PCDHGA5: variants seen among roughly 807,000 people sequenced by gnomAD.
The protein encoded by PCDHGA5 is protocadherin gamma-A5.
A neutral mutation model predicts 56.7 loss-of-function variants in PCDHGA5; 36 were observed. The ratio of observed to expected loss-of-function variants is 0.64; its 90% confidence interval spans 0.49 to 0.84. PCDHGA5 has a LOEUF of 0.84. Among genes scored for constraint, PCDHGA5 ranks in the 40% least tolerant of loss-of-function variants. The probability of loss-of-function intolerance (pLI) is 0.00; values close to 1 mark genes in which losing one functional copy is unlikely to be tolerated. For synonymous variants in PCDHGA5, 563 were observed against 520.2 expected (o/e 1.08, Z -1.12); for missense variants, 1,305 against 1,201.5 (o/e 1.09, Z -1.27).
rs562057533 is a variant in PCDHGA5, at chr5:141,365,545, A to T, written c.1215A>T (p.Leu405Phe). 16 of 1,613,796 alleles carry T rather than the reference A, an allele frequency of 9.9e-6. No homozygotes were observed. In the South Asian group the frequency reaches 1.4e-4, roughly 14 times the overall value. ...CAGTTGATAATTACTATCACCTATT[A>T]ACAACTAGGGACCTGGACAGAGAAG... ...EKSVDNYYHL[L>F]TTRDLDREET... The change falls in exon 1 of 4, where the codon TTA (leucine) becomes TTT (phenylalanine). Residue 405 changes from leucine (L) to phenylalanine (F), a missense_variant. Coordinates refer to ENST00000518069, the MANE Select transcript of PCDHGA5 (RefSeq NM_018918.3).
intron 1 of PCDHGA5, among the ~76,000 whole-genome samples, chr5:141,463,573 C>T (rs1331124291): frequency 6.6e-6 from 1 of 151,436 alleles, no homozygotes; most frequent in East Asian, 1.9e-4. Flanking sequence ...CTCAGCCTCC[C>T]GAGTAGCTGG....
rs1349189547 is a variant in PCDHGA5 at position 141,432,777 on chromosome 5, C to A, written c.2422-62030C>A. 1.2e-6 allele frequency: 2 copies of A among 1,614,154 alleles called. No individual in the cohort carries two copies. The highest frequency in any genetic ancestry group is 1.3e-5 in the African/African-American group (1 of 75,062). ...GCCGACAGCATCCCCCAAGTCCTGGCGGACCTCGGCAGCCTCGAGTCTCCA... is the reference window on the plus strand; with the variant it reads ...GCCGACAGCATCCCCCAAGTCCTGGAGGACCTCGGCAGCCTCGAGTCTCCA... On this transcript the variant is annotated intron_variant, in intron 1 of 3. Transcript: ENST00000518069. This position sits in a 1 kb window ranked among gnomAD's most constrained non-coding sequence, Gnocchi z 6.0.
Position 141,489,317 on chromosome 5 carries a change from G to T in PCDHGA5, c.2422-5490G>T. ...ATGTTGTCCTTGTGCTGCTGGGGCT[G>T]GGTGTCTGGGCAGCTTCGTTACTCA... is the stretch of plus-strand genomic sequence containing the variant. On this transcript the variant is annotated intron_variant, in intron 1 of 3. Coordinates refer to ENST00000518069, the MANE Select transcript of PCDHGA5 (RefSeq NM_018918.3). The surrounding 1 kb of genome is among the most constrained non-coding windows in gnomAD (Gnocchi z 4.5). 6.3e-7 allele frequency: 1 copy of T among 1,598,654 alleles called. No homozygotes were observed. The highest frequency in any genetic ancestry group is 8.5e-7 in the Non-Finnish European group (1 of 1,171,456).
intron 1 of PCDHGA5, chr5:141,427,278 A>G (rs981860450): frequency 2.2e-6 from 1 of 456,706 alleles, no homozygotes; most frequent in Non-Finnish European, 4.4e-6. Context: ...ATGTAAAATT[A>G]TACTAGAAAT....
chr5:141,400,690 A>G (rs928893484), intron 1 of PCDHGA5: 6 of 790,238 alleles, frequency 7.6e-6, no homozygotes, highest in Non-Finnish European at 8.1e-6. Flanking sequence ...GTGAGTTTTT[A>G]TGTCGCATAA....
Position 141,476,591 on chromosome 5 carries a change from G to T in PCDHGA5, c.2422-18216G>T, listed in dbSNP as rs200254399. The T allele has an allele frequency of 6.2e-7, 1 of 1,614,230 alleles. No homozygotes were observed. The highest frequency in any genetic ancestry group is 8.5e-7 in the Non-Finnish European group (1 of 1,180,046). On this transcript the variant is annotated intron_variant, in intron 1 of 3. Transcript: ENST00000518069. The surrounding 1 kb of genome is among the most constrained non-coding windows in gnomAD (Gnocchi z 7.6). The stretch of plus-strand genomic sequence containing the variant: ...GGGGACGCGCTTTCCGCTCGAGAGC[G>T]CGCACGATCCCGATGTGGGAAGCAA...
chr5:141,487,392 G>A lies in PCDHGA5; in HGVS notation c.2422-7415G>A, dbSNP rs773126086. 2 of 1,614,176 alleles carry A rather than the reference G, an allele frequency of 1.2e-6. No individual in the cohort carries two copies. Among genetic ancestry groups the A allele is most frequent in the Non-Finnish European group, 1.7e-6 (2 of 1,180,024 alleles). On this transcript the variant is annotated intron_variant, in intron 1 of 3. Transcript: ENST00000518069. This position sits in a 1 kb window ranked among gnomAD's most constrained non-coding sequence, Gnocchi z 5.0. ...GCCTGTCTCACCAGATCTCGAAGGA[G>A]GGAGGGGCTTCCCCCTTCCAATGGG...
At chr5:141,393,917 C>A in intron 1 of PCDHGA5, 1 of 1,613,924 alleles carries the variant, frequency 6.2e-7, no homozygotes, top group Non-Finnish European at 8.5e-7. Flanking sequence ...TAATTGCCTT[C>A]TTGAGTGTGC....
In PCDHGA5 at chr5:141,385,111, T is replaced by G. The variant is rs373196114; in HGVS notation, c.2421+18360T>G. 2.8e-5 allele frequency: 46 copies of G among 1,614,188 alleles called. No individual in the cohort carries two copies. The African/African-American group carries it at 5.6e-4, about 20-fold the overall frequency. On this transcript the variant is annotated intron_variant, in intron 1 of 3. Transcript: ENST00000518069. ...AGGTGGCTTGGCGAACGTGCCCACCTCGCACTTTGTGGGCATGGACGGGGT... is the reference window on the plus strand; with the variant it reads ...AGGTGGCTTGGCGAACGTGCCCACCGCGCACTTTGTGGGCATGGACGGGGT...
At chr5:141,458,319 T>C (rs2879229) in intron 1 of PCDHGA5, among the ~76,000 whole-genome samples, 84,591 of 151,864 alleles carry the variant, frequency 0.56, 26,265 homozygotes, top group African/African-American at 0.85. Flanking sequence ...CACAGACACA[T>C]GTGGAGTGGT....
rs115565444 is a variant in PCDHGA5 at position 141,487,520 on chromosome 5, G to C, written c.2422-7287G>C. 1 of 1,614,166 alleles carries C rather than the reference G, an allele frequency of 6.2e-7. No individual in the cohort carries two copies. Among genetic ancestry groups the C allele is most frequent in the Non-Finnish European group, 8.5e-7 (1 of 1,180,042 alleles). ...CTTGGCTTCTGCACCCACTCGGAGT[G>C]ATAGCTTCATGATGGTGAAGTCACC... On this transcript the variant is annotated intron_variant, in intron 1 of 3. Coordinates refer to ENST00000518069, the MANE Select transcript of PCDHGA5 (RefSeq NM_018918.3). The surrounding 1 kb of genome is among the most constrained non-coding windows in gnomAD (Gnocchi z 5.0).
At chr5:141,403,188 C>G (rs763950254) in intron 1 of PCDHGA5, 6 of 1,613,968 alleles carry the variant, frequency 3.7e-6, no homozygotes, top group Non-Finnish European at 4.2e-6. Context: ...TCTCTGAACC[C>G]GCGCAGCGGC....
intron 1 of PCDHGA5, chr5:141,390,545 A>G (rs62378444): frequency 2.0e-6 from 1 of 505,936 alleles, no homozygotes; most frequent in African/African-American, 1.9e-5. Context: ...CCACAAAGTG[A>G]AAGTGTTAGA....
At chr5:141,370,057 C>G (rs180898728) in intron 1 of PCDHGA5, among the ~76,000 whole-genome samples, 1 of 152,268 alleles carries the variant, frequency 6.6e-6, no homozygotes, top group East Asian at 1.9e-4. Flanking sequence ...TTTAAAAGTC[C>G]TTTTAAAATG....
Position 141,432,390 on chromosome 5 carries a change from G to A in PCDHGA5, c.2422-62417G>A. The A allele has an allele frequency of 6.2e-7, 1 of 1,614,256 alleles. No homozygotes were observed. The highest frequency in any genetic ancestry group is 8.5e-7 in the Non-Finnish European group (1 of 1,180,046). On this transcript the variant is annotated intron_variant, in intron 1 of 3. Transcript: ENST00000518069. This position sits in a 1 kb window ranked among gnomAD's most constrained non-coding sequence, Gnocchi z 6.0. ...GACAACGGGCACCCGCCCCTCAGCA[G>A]CAACGTGTCGTTGAGCCTGTTCGTG... is the stretch of plus-strand genomic sequence containing the variant.
Position 141,491,349 on chromosome 5 carries a change from C to G in PCDHGA5, c.2422-3458C>G. 6.2e-7 allele frequency: 1 copy of G among 1,614,168 alleles called. No individual in the cohort carries two copies. Among genetic ancestry groups the G allele is most frequent in the Non-Finnish European group, 8.5e-7 (1 of 1,180,016 alleles). ...TTGTGGCTCTAGCGACCGTCAGTCT[C>G]TTATCCCTAGTCACCTTCACCTTTC... is the stretch of plus-strand genomic sequence containing the variant. On this transcript the variant is annotated intron_variant, in intron 1 of 3. Transcript: ENST00000518069. The surrounding 1 kb of genome is among the most constrained non-coding windows in gnomAD (Gnocchi z 6.9).
intron 1 of PCDHGA5, chr5:141,376,308 G>T (rs766557828): frequency 6.2e-7 from 1 of 1,614,208 alleles, no homozygotes; most frequent in South Asian, 1.1e-5. Context: ...CACTTTGTGG[G>T]CGTGGAAGGG....
In PCDHGA5 at chr5:141,409,417, G is replaced by A. The variant is rs774453166; in HGVS notation, c.2421+42666G>A. ...CTTCCAATAACTACTACAAACTGGT[G>A]ACAGATGGAGCCCTGGACCGAGAGC... On this transcript the variant is annotated intron_variant, in intron 1 of 3. Transcript: ENST00000518069. The A allele has an allele frequency of 5.6e-6, 9 of 1,613,880 alleles. No individual in the cohort carries two copies. The South Asian group carries it at 8.8e-5, about 16-fold the overall frequency.
intron 1 of PCDHGA5, chr5:141,392,507 T>TC (rs2092547058): frequency 4.3e-6 from 1 of 231,946 alleles, no homozygotes; most frequent in East Asian, 8.6e-5. Context: ...GATTTTTTTT[T>TC]CTCAGTAATC....
Sources: gnomAD v4.1 joint callset for allele counts (sites outside exome capture counted in the v4.1 genomes callset) on GRCh38, gnomAD v4.1.1 for gene constraint, Gnocchi (gnomAD v3.1) non-coding constraint, MANE v1.5 for transcripts, NCBI Gene and HGNC (gene_info 2026-07-23, HGNC 2026-07-21) for gene names.